Variants in XIRP2 observed in about 807,000 individuals in gnomAD.
XIRP2 encodes the protein xin actin-binding repeat-containing protein 2.
In XIRP2, 236 loss-of-function variants were observed where a neutral mutation model predicts 277.0. That is an observed-to-expected ratio of 0.85 (90% CI 0.77 to 0.95). XIRP2 has a LOEUF of 0.95. XIRP2 is among the 40% of genes least tolerant of loss of function. The probability of loss-of-function intolerance (pLI) is 0.00; values close to 1 mark genes in which losing one functional copy is unlikely to be tolerated. For missense variants in XIRP2, 4,640 were observed against 4,157.5 expected, an observed-to-expected ratio of 1.12 and a Z score of -3.19; for synonymous variants, 1,490 against 1,416.5, an observed-to-expected ratio of 1.05 and a Z score of -1.17.
chr2:167,025,239 C>T (rs1406158325), intron 2 of XIRP2, among the ~76,000 whole-genome samples: 9 of 152,074 alleles, frequency 5.9e-5, no homozygotes, highest in Non-Finnish European at 8.8e-5. Context: ...AGTTTATTTG[C>T]GAAGAGGTGT....
intron 2 of XIRP2, among the ~76,000 whole-genome samples, chr2:167,127,192 C>T (rs1691231400): frequency 6.6e-6 from 1 of 152,154 alleles, no homozygotes; most frequent in African/African-American, 2.4e-5. Flanking sequence ...TGACTTTGCA[C>T]TCTTCCCTGA....
At chr2:167,192,991 G>A (rs1222059144) in intron 3 of XIRP2, among the ~76,000 whole-genome samples, 1 of 152,136 alleles carries the variant, frequency 6.6e-6, no homozygotes, top group Non-Finnish European at 1.5e-5. Flanking sequence ...CTGTACTAGT[G>A]CATGCCCGCT....
At chr2:167,210,714 G>A in intron 3 of XIRP2, 21 bp from the exon 4 acceptor site, 1 of 1,613,854 alleles carries the variant, frequency 6.2e-7, no homozygotes, top group South Asian at 1.1e-5. Context: ...ACATGTGTAA[G>A]CATGCTCTGT....
chr2:167,064,104 A>T (rs945043069), intron 2 of XIRP2, among the ~76,000 whole-genome samples: 1 of 151,892 alleles, frequency 6.6e-6, no homozygotes, highest in East Asian at 1.9e-4. Context: ...CAGCTTTAAG[A>T]TATAATTAAC....
In XIRP2 at chr2:167,245,896, A is replaced by G. The variant is rs770111851; in HGVS notation, c.4504A>G (p.Ile1502Val). The G allele has an allele frequency of 1.9e-6, 3 of 1,613,772 alleles. No individual in the cohort carries two copies. Among genetic ancestry groups the G allele is most frequent in the South Asian group, 1.1e-5 (1 of 91,072 alleles). ...TTTTGAAAATCGAACTTTCGATTCT[A>G]TTATGGAAGCACATAAAGGTATCAC... ...WLFENRTFDS[I>V]MEAHKGITKM... The change falls in exon 9 of 11, where the codon ATT becomes GTT. Residue 1502 changes from isoleucine (I) to valine (V), a missense_variant. Physicochemically the swap from Ile to Val is conservative, Grantham distance 29. Transcript: ENST00000409195.
At chr2:167,128,218 A>G (rs546818137) in intron 2 of XIRP2, among the ~76,000 whole-genome samples, 6 of 152,248 alleles carry the variant, frequency 3.9e-5, no homozygotes, top group South Asian at 2.1e-4. Context: ...TCCCCTTCTC[A>G]CTATCCTAAT....
intron 2 of XIRP2, among the ~76,000 whole-genome samples, chr2:167,056,120 T>C (rs1689030871): frequency 1.3e-5 from 2 of 152,098 alleles, no homozygotes; most frequent in African/African-American, 4.8e-5. Flanking sequence ...GCACAAACAT[T>C]ACCTGGAATA....
At chr2:167,115,126 A>T (rs574794013) in intron 2 of XIRP2, among the ~76,000 whole-genome samples, 2 of 152,010 alleles carry the variant, frequency 1.3e-5, no homozygotes, top group East Asian at 1.9e-4. Flanking sequence ...GACTTTTTAA[A>T]GATTGCCATT....
intron 2 of XIRP2, among the ~76,000 whole-genome samples, chr2:166,904,518 T>G (rs1418884060): frequency 6.6e-6 from 1 of 152,180 alleles, no homozygotes; most frequent in African/African-American, 2.4e-5. Flanking sequence ...TGTACTATAA[T>G]GTCACATATA....
chr2:167,258,698 C>A lies in XIRP2; in HGVS notation c.*881C>A. The A allele has an allele frequency of 6.2e-7, 1 of 1,613,048 alleles. No homozygotes were observed. Among genetic ancestry groups the A allele is most frequent in the Non-Finnish European group, 8.5e-7 (1 of 1,179,532 alleles). ...TAACAATTATGTAGCAGTCTCATAT[C>A]TGAATAATTGCAGGCAGAAGACATC... On this transcript the variant is annotated 3_prime_UTR_variant, in exon 11 of 11. Transcript: ENST00000409195.
At chr2:166,909,540 T>C (rs1029923041) in intron 2 of XIRP2, among the ~76,000 whole-genome samples, 2 of 152,230 alleles carry the variant, frequency 1.3e-5, no homozygotes, top group Non-Finnish European at 2.9e-5. Flanking sequence ...GTTTTCTAGA[T>C]ATACAATCAG....
chr2:166,966,542 T>C (rs1323903317), intron 2 of XIRP2, among the ~76,000 whole-genome samples: 1 of 151,932 alleles, frequency 6.6e-6, no homozygotes, highest in East Asian at 1.9e-4. Flanking sequence ...CAAAGATACA[T>C]AAATATCCTT....
At chr2:167,139,196 C>A (rs1691642669) in intron 3 of XIRP2, among the ~76,000 whole-genome samples, 1 of 151,498 alleles carries the variant, frequency 6.6e-6, no homozygotes, top group Non-Finnish European at 1.5e-5. Context: ...GTCTTAGGTA[C>A]TGGTGTTTGA....
intron 2 of XIRP2, among the ~76,000 whole-genome samples, chr2:166,984,393 C>G (rs1044399301): frequency 2.6e-5 from 4 of 152,032 alleles, no homozygotes; most frequent in African/African-American, 9.7e-5. Flanking sequence ...AGGAGGCTTA[C>G]AGAAGTCATG....
intron 2 of XIRP2, among the ~76,000 whole-genome samples, chr2:167,095,525 G>T (rs567854951): frequency 6.6e-6 from 1 of 152,056 alleles, no homozygotes; most frequent in Non-Finnish European, 1.5e-5. Flanking sequence ...TTGCATGAAG[G>T]GGTGTTGAAC....
intron 3 of XIRP2, among the ~76,000 whole-genome samples, chr2:167,189,327 T>C (rs1573943361): frequency 6.6e-6 from 1 of 152,116 alleles, no homozygotes; most frequent in Admixed American, 6.6e-5. Flanking sequence ...GTAAGACTTG[T>C]TTGATAGCCA....
At chr2:167,173,676 G>C (rs1257128026) in intron 3 of XIRP2, among the ~76,000 whole-genome samples, 19 of 152,098 alleles carry the variant, frequency 1.2e-4, no homozygotes, top group Non-Finnish European at 2.9e-5. Flanking sequence ...TAGTATGGTA[G>C]CTCTATTTTT....
At chr2:167,152,166 G>C (rs1420242736) in intron 3 of XIRP2, among the ~76,000 whole-genome samples, 1 of 152,028 alleles carries the variant, frequency 6.6e-6, no homozygotes, top group East Asian at 1.9e-4. Flanking sequence ...TAAGCTGAAG[G>C]AATTTGAGAA....
At chr2:167,119,932 T>C (rs987634561) in intron 2 of XIRP2, among the ~76,000 whole-genome samples, 2 of 152,204 alleles carry the variant, frequency 1.3e-5, no homozygotes, top group African/African-American at 4.8e-5. Flanking sequence ...AGATGTTATA[T>C]GGATAATCCA....
Sources: allele counts gnomAD v4.1 joint callset (sites outside exome capture counted in the v4.1 genomes callset), GRCh38; gene constraint gnomAD v4.1.1; transcripts MANE v1.5; gene names NCBI Gene and HGNC (gene_info 2026-07-23, HGNC 2026-07-21).